The following GSTCD variants were observed in gnomAD, a reference collection of about 807,000 sequenced individuals.
GSTCD encodes glutathione S-transferase C-terminal domain-containing protein.
In GSTCD, 44 loss-of-function variants were observed where a neutral mutation model predicts 68.3. The observed-to-expected ratio is 0.64, with a 90% confidence interval of 0.51 to 0.83. GSTCD has a LOEUF of 0.83. Among genes scored for constraint, GSTCD ranks in the 40% least tolerant of loss-of-function variants. The pLI is 0.00. For synonymous variants in GSTCD, 273 were observed against 255.2 expected (o/e 1.07, Z -0.67); for missense variants, 739 against 735.9 (o/e 1.00, Z -0.05).
chr4:105,729,613 C>A, intron 5 of GSTCD, 114 bp downstream of exon 5: 1 of 511,158 alleles, frequency 2.0e-6, no homozygotes, highest in Non-Finnish European at 3.4e-6. Flanking sequence ...ATTATACTAT[C>A]AGTTGAGTTT....
chr4:105,716,689 C>A (rs1380732907), intron 1 of GSTCD, among the ~76,000 whole-genome samples: 1 of 152,208 alleles, frequency 6.6e-6, no homozygotes, highest in Non-Finnish European at 1.5e-5. Flanking sequence ...ATCCCCCCAC[C>A]AACCTCCCAT....
chr4:105,809,953 A>T (rs761941608), intron 5 of GSTCD, among the ~76,000 whole-genome samples: 1 of 152,076 alleles, frequency 6.6e-6, no homozygotes, highest in Non-Finnish European at 1.5e-5. Flanking sequence ...TTTGGATATG[A>T]TTCCTTAAAA....
At chr4:105,794,448 C>T (rs1735793245) in intron 5 of GSTCD, among the ~76,000 whole-genome samples, 1 of 151,950 alleles carries the variant, frequency 6.6e-6, no homozygotes, top group Non-Finnish European at 1.5e-5. Context: ...TCACTATTAA[C>T]AAAGGTACCA....
chr4:105,783,820 A>G (rs1351716689), intron 5 of GSTCD, among the ~76,000 whole-genome samples: 2 of 152,166 alleles, frequency 1.3e-5, no homozygotes, highest in Non-Finnish European at 2.9e-5. Context: ...GTAGTTTTCA[A>G]GTTTCCTTAG....
intron 5 of GSTCD, among the ~76,000 whole-genome samples, chr4:105,786,609 T>C (rs1735479048): frequency 6.6e-6 from 1 of 150,962 alleles, no homozygotes; most frequent in South Asian, 2.1e-4. Context: ...AAGAAACTTA[T>C]ATCTGAAAAA....
In GSTCD at chr4:105,842,091, A is replaced by G; in HGVS notation, c.1722A>G (p.Ala574=). The G allele has an allele frequency of 6.2e-7, 1 of 1,614,044 alleles. No individual in the cohort carries two copies. The highest frequency in any genetic ancestry group is 8.5e-7 in the Non-Finnish European group (1 of 1,179,890). ...AACACATGATTCTGTGCAGATTTGC[A>G]GACCAGACAGCTGTCCAGCTCCCAC... ...YKEHMILCRF[A]DQTAVQLPPQ... The change falls in exon 11 of 12, where the codon GCA becomes GCG. Residue 574 remains alanine, a synonymous_variant. Transcript: ENST00000515279.
chr4:105,846,240 AATCC>A lies in GSTCD; in HGVS notation c.*665_*668del, dbSNP rs1362802830. 6.6e-6 allele frequency: 1 copy of A among 151,930 alleles called. No individual in the cohort carries two copies. The highest frequency in any genetic ancestry group is 1.5e-5 in the Non-Finnish European group (1 of 67,982). The allele number at this position is 151,930 out of a possible 1,614,324, so 9.4% of individuals were successfully genotyped here. A position where few individuals can be genotyped will look rare whatever the true frequency, so the allele number is the denominator to read the frequency against. On this transcript the variant is annotated 3_prime_UTR_variant, in exon 12 of 12. Transcript: ENST00000515279. ...TCGAGACCAGCCTGCACTACAAAAA[AATCC>A]AAAAAATGAGGTGGGAGGATCACTT...
chr4:105,740,851 C>T (rs962567292), intron 5 of GSTCD, among the ~76,000 whole-genome samples: 6 of 152,052 alleles, frequency 3.9e-5, no homozygotes, highest in African/African-American at 7.3e-5. Context: ...ACCCTCAGGG[C>T]AGCCATAGTG....
At chr4:105,731,469 A>C (rs1261004872) in intron 5 of GSTCD, among the ~76,000 whole-genome samples, 1 of 152,142 alleles carries the variant, frequency 6.6e-6, no homozygotes, top group Non-Finnish European at 1.5e-5. Flanking sequence ...TTGGATTCCT[A>C]GGTATTTTAT....
chr4:105,794,315 C>T (rs1157673112), intron 5 of GSTCD, among the ~76,000 whole-genome samples: 2 of 151,864 alleles, frequency 1.3e-5, no homozygotes, highest in Admixed American at 6.5e-5. Flanking sequence ...CATCCCCGTA[C>T]GATACTACAA....
chr4:105,729,404 A>G lies in GSTCD; in HGVS notation c.1147-2A>G. ...TTAGAAAGAGGCTATTTCCTTTTCT[A>G]GGAAAAGGGCATTGAAGTGATGTTT... On this transcript the variant is annotated splice_acceptor_variant, in intron 4 of 11. Transcript: ENST00000515279. LOFTEE classifies it high-confidence loss of function. 6.3e-7 allele frequency: 1 copy of G among 1,583,412 alleles called. No individual in the cohort carries two copies. Among genetic ancestry groups the G allele is most frequent in the Non-Finnish European group, 8.6e-7 (1 of 1,156,634 alleles).
At chr4:105,778,971 T>C (rs1261698707) in intron 5 of GSTCD, among the ~76,000 whole-genome samples, 4 of 152,094 alleles carry the variant, frequency 2.6e-5, no homozygotes, top group Non-Finnish European at 5.9e-5. Context: ...CATCATTTAC[T>C]CCTGAATACG....
chr4:105,760,996 A>ATTTTTTTTTTTTTTTTTTTTT (rs35581423), intron 5 of GSTCD: 6 of 174,964 alleles, frequency 3.4e-5, no homozygotes, highest in South Asian at 8.8e-5. Context: ...TCCTTTTTTA[A>ATTTTTTTTTTTTTTTTTTTTT]TTTTTTTTTT....
chr4:105,823,892 G>A (rs1450277236), intron 7 of GSTCD, among the ~76,000 whole-genome samples: 8 of 151,902 alleles, frequency 5.3e-5, no homozygotes, highest in South Asian at 2.1e-4. Context: ...ATCATATTTC[G>A]GAGACTACCA....
At chr4:105,818,267 CT>C (rs753012228) in intron 5 of GSTCD, among the ~76,000 whole-genome samples, 43 of 149,410 alleles carry the variant, frequency 2.9e-4, no homozygotes, top group African/African-American at 1.0e-3. Context: ...GAAAAAGTAA[CT>C]TTTTTCTCTT....
chr4:105,845,474 G>T lies in GSTCD; in HGVS notation c.1799G>T (p.Arg600Leu). The change falls in exon 12 of 12, where the codon CGA becomes CTA. Residue 600 changes from arginine to leucine, a missense_variant. Arg to Leu is a moderately radical substitution (Grantham distance 102). Transcript: ENST00000515279. ...KQCMCLVDLD[R>L]ARAAEECGYS... is the part of the protein sequence containing the mutation. ...TGCATGTGCTTGGTGGATCTGGATCGAGCAAGAGCTGCAGAAGAATGTGGA... is the reference window on the plus strand; with the variant it reads ...TGCATGTGCTTGGTGGATCTGGATCTAGCAAGAGCTGCAGAAGAATGTGGA... The T allele has an allele frequency of 6.2e-7, 1 of 1,614,102 alleles. No homozygotes were observed. Among genetic ancestry groups the T allele is most frequent in the Non-Finnish European group, 8.5e-7 (1 of 1,179,998 alleles).
chr4:105,812,317 G>A (rs148314862), intron 5 of GSTCD, among the ~76,000 whole-genome samples: 8 of 152,082 alleles, frequency 5.3e-5, no homozygotes, highest in Non-Finnish European at 8.8e-5. Flanking sequence ...TTGGTTTTGC[G>A]TATGTGTGCT....
chr4:105,719,266 C>A lies in GSTCD; in HGVS notation c.633C>A (p.Pro211=). ...AGAAGGCTGATGGAGTTGGGCCTCC[C>A]CTTACTAAGGGAAAGGCAAAGAGCA... ...KQQKADGVGP[P]LTKGKAKSKV... is the part of the protein sequence containing the mutation. Residue 211 remains proline (P), a synonymous_variant, in exon 3 of 12, where the codon CCC becomes CCA. Transcript: ENST00000515279. 1 of 1,614,040 alleles carries A rather than the reference C, an allele frequency of 6.2e-7. No individual in the cohort carries two copies. Among genetic ancestry groups the A allele is most frequent in the Non-Finnish European group, 8.5e-7 (1 of 1,179,994 alleles).
chr4:105,735,191 A>G (rs1189524053), intron 5 of GSTCD, among the ~76,000 whole-genome samples: 2 of 152,152 alleles, frequency 1.3e-5, no homozygotes, highest in African/African-American at 4.8e-5. Context: ...TGGGAGAACC[A>G]CTACTCTCTT....
Sources: allele counts gnomAD v4.1 joint callset (sites outside exome capture counted in the v4.1 genomes callset), GRCh38; gene constraint gnomAD v4.1.1; transcripts MANE v1.5; gene names NCBI Gene and HGNC (gene_info 2026-07-23, HGNC 2026-07-21).